Variants in CLYBL observed in about 807,000 individuals in gnomAD.
CLYBL encodes the protein citramalyl-CoA lyase, mitochondrial.
Under a neutral mutation model 38.9 loss-of-function variants are expected in CLYBL, and 31 were observed. The ratio of observed to expected loss-of-function variants is 0.80; its 90% CI spans 0.60 to 1.08. The LOEUF is 1.08. Among genes scored for constraint, CLYBL ranks in the 50% least tolerant of loss-of-function variants. The probability of loss-of-function intolerance (pLI) is 0.00; values close to 1 mark genes in which losing one functional copy is unlikely to be tolerated. For synonymous variants in CLYBL, 171 were observed against 158.6 expected (o/e 1.08, Z -0.59); for missense variants, 434 against 411.6 (o/e 1.05, Z -0.47).
At chr13:99,895,124 T>C (rs1205604541), downstream of CLYBL, 2 of 152,204 alleles carry the variant, frequency 1.3e-5, no homozygotes, top group Non-Finnish European at 2.9e-5. Context: ...GTCTCTAAAA[T>C]AGACATATTA....
rs1315729912 is a variant in CLYBL, at chr13:99,807,139, C to T, written c.249+34129C>T. ...TCTCCAGCCAGTTCAACCTTCACTG[C>T]TAATTCCTGTGGCTCCTGCTGCAGC... On this transcript the variant is annotated intron_variant, in intron 2 of 8. Coordinates refer to ENST00000339105, the MANE Select transcript of CLYBL (RefSeq NM_206808.5). Among the ~76,000 whole-genome samples, 3 of 152,210 alleles carry T rather than the reference C, an allele frequency of 2.0e-5. 1 individual carries two copies. The highest frequency in any genetic ancestry group is 1.3e-4 in the Admixed American group (2 of 15,280).
chr13:99,761,584 TG>T (rs1368952975), intron 1 of CLYBL, among the ~76,000 whole-genome samples: 1 of 152,242 alleles, frequency 6.6e-6, no homozygotes, highest in African/African-American at 2.4e-5. Context: ...ACACTTTGAT[TG>T]GTTCCATATT....
intron 1 of CLYBL, among the ~76,000 whole-genome samples, chr13:99,740,338 A>G (rs2048732463): frequency 1.3e-5 from 2 of 152,232 alleles, no homozygotes; most frequent in African/African-American, 4.8e-5. Context: ...AAGTCTCATG[A>G]CAAATGCTGT....
chr13:99,898,541 C>T (rs542452090), downstream of CLYBL, among the ~76,000 whole-genome samples: 1 of 152,184 alleles, frequency 6.6e-6, no homozygotes, highest in African/African-American at 2.4e-5. Context: ...CGGTGGCTCT[C>T]GGGAGCTTCT....
At chr13:99,794,490 A>G (rs1443404982) in intron 2 of CLYBL, among the ~76,000 whole-genome samples, 1 of 152,180 alleles carries the variant, frequency 6.6e-6, no homozygotes, top group Non-Finnish European at 1.5e-5. Context: ...TCATGCAGAG[A>G]ACATGCTTCA....
chr13:99,775,922 G>A (rs562209059), intron 2 of CLYBL, among the ~76,000 whole-genome samples: 1 of 152,190 alleles, frequency 6.6e-6, no homozygotes, highest in South Asian at 2.1e-4. Context: ...CCAGCACTTT[G>A]GGAGGCTGAG....
intron 9 of CLYBL, among the ~76,000 whole-genome samples, chr13:99,905,461 G>A (rs777875910): frequency 2.0e-5 from 3 of 152,128 alleles, no homozygotes; most frequent in African/African-American, 4.8e-5. Flanking sequence ...TCTTGAAGCC[G>A]CCCTAGGGCC....
intron 1 of CLYBL, among the ~76,000 whole-genome samples, chr13:99,657,114 C>T (rs1433976876): frequency 1.3e-5 from 2 of 152,208 alleles, no homozygotes; most frequent in Non-Finnish European, 2.9e-5. Context: ...CATCTGTGCA[C>T]TTCTTAGCTG....
intron 1 of CLYBL, among the ~76,000 whole-genome samples, chr13:99,699,017 G>A (rs917147890): frequency 1.3e-5 from 2 of 152,136 alleles, no homozygotes; most frequent in Non-Finnish European, 1.5e-5. Flanking sequence ...CTATGAAAGA[G>A]TCATTTTTCG....
chr13:99,744,351 T>TA (rs2048813175), intron 1 of CLYBL, among the ~76,000 whole-genome samples: 1 of 152,172 alleles, frequency 6.6e-6, no homozygotes, highest in Non-Finnish European at 1.5e-5. Context: ...TTTGAATAGT[T>TA]ACTCATCACA....
At chr13:99,880,134 C>G (rs1433710682) in intron 7 of CLYBL, among the ~76,000 whole-genome samples, 1 of 139,184 alleles carries the variant, frequency 7.2e-6, no homozygotes, top group Non-Finnish European at 1.5e-5. Flanking sequence ...ATGGCGGGAT[C>G]TTGGCTCACT....
chr13:99,629,349 G>T (rs1203245830), intron 1 of CLYBL, among the ~76,000 whole-genome samples: 1 of 152,218 alleles, frequency 6.6e-6, no homozygotes, highest in Non-Finnish European at 1.5e-5. Flanking sequence ...AAGTACAAAT[G>T]CGTCTGTTGA....
At position 99,606,722 on chromosome 13, in the gene CLYBL, G is replaced by A. The variant is rs772081319; in HGVS notation, c.27G>A (p.Ala9=). 2 of 1,491,654 alleles carry A rather than the reference G, an allele frequency of 1.3e-6. No individual in the cohort carries two copies. The highest frequency in any genetic ancestry group is 8.9e-7 in the Non-Finnish European group (1 of 1,127,238). 92.4% of individuals were successfully genotyped at this position (1,491,654 alleles called of 1,614,324 possible). Residue 9 remains alanine, a synonymous_variant, in exon 1 of 9, where the codon GCG becomes GCA. Transcript: ENST00000339105. MALRLLRR[A]ARGAAAAALL... ...TGGCGCTACGTCTGCTGCGGAGGGC[G>A]GCGCGCGGAGCTGCGGCGGCGGCGC...
intron 1 of CLYBL, among the ~76,000 whole-genome samples, chr13:99,752,601 C>T (rs1036077163): frequency 6.6e-6 from 1 of 152,078 alleles, no homozygotes; most frequent in African/African-American, 2.4e-5. Context: ...GACTGTCTAC[C>T]CTGCCCCCTC....
chr13:99,691,046 C>T (rs1027549991), intron 1 of CLYBL: 7 of 152,126 alleles, frequency 4.6e-5, no homozygotes, highest in African/African-American at 4.8e-5. Context: ...GAGTGTCTCT[C>T]CTGATTAACC....
chr13:99,636,723 C>G (rs1206506332), intron 1 of CLYBL, among the ~76,000 whole-genome samples: 2 of 152,042 alleles, frequency 1.3e-5, no homozygotes, highest in Non-Finnish European at 2.9e-5. Flanking sequence ...TGCCTTGGAT[C>G]TTCTTTTCTT....
chr13:99,891,714 G>A (rs1242075162), intron 8 of CLYBL: 1 of 264,220 alleles, frequency 3.8e-6, no homozygotes, highest in African/African-American at 2.2e-5. Context: ...TGAGGCGAAG[G>A]TAGGTCTTTA....
chr13:99,685,800 A>G (rs1346578399), intron 1 of CLYBL, among the ~76,000 whole-genome samples: 1 of 152,046 alleles, frequency 6.6e-6, no homozygotes, highest in Non-Finnish European at 1.5e-5. Context: ...CGCCTCTACT[A>G]AAAATACAAA....
Position 99,625,561 on chromosome 13 carries a change from A to AT in CLYBL, c.62+18808dup, listed in dbSNP as rs201959472. ...ACCATATGGTTTACTACTTGATGCG[A>AT]TTTTCCCTTTTTTAAAAAAATACTT... On this transcript the variant is annotated intron_variant, in intron 1 of 8. Transcript: ENST00000339105. 5.5e-3 allele frequency among the ~76,000 whole-genome samples: 839 copies of AT among 152,224 alleles called. 8 individuals are homozygous for AT. Among genetic ancestry groups the AT allele is most frequent in the African/African-American group, 0.019 (798 of 41,548 alleles).
Sources: allele counts gnomAD v4.1 joint callset (sites outside exome capture counted in the v4.1 genomes callset), GRCh38; gene constraint gnomAD v4.1.1; transcripts MANE v1.5; gene names NCBI Gene and HGNC (gene_info 2026-07-23, HGNC 2026-07-21).